Variants in CASZ1 observed in about 807,000 individuals in gnomAD.
CASZ1 encodes the protein castor zinc finger 1.
In CASZ1, 28 loss-of-function variants were observed where a neutral mutation model predicts 135.2. The ratio of observed to expected loss-of-function variants is 0.21; its 90% confidence interval spans 0.15 to 0.28. CASZ1 has a LOEUF of 0.28. Ranked by LOEUF, CASZ1 falls within the 10% of genes least tolerant of loss-of-function variation. The pLI, the probability that CASZ1 is intolerant of heterozygous loss-of-function variation, is 1.00. For missense variants in CASZ1, 2,161 were observed against 2,453.3 expected, an observed-to-expected ratio of 0.88 and a Z score of 2.52; for synonymous variants, 1,068 against 1,073.4, an observed-to-expected ratio of 0.99 and a Z score of 0.10.
At chr1:10,702,593 G>A (rs895358958) in intron 3 of CASZ1, among the ~76,000 whole-genome samples, 2 of 152,100 alleles carry the variant, frequency 1.3e-5, no homozygotes, top group African/African-American at 4.8e-5. Flanking sequence ...CAATGACCCG[G>A]GCCAGGGAGC....
intron 2 of CASZ1, among the ~76,000 whole-genome samples, chr1:10,714,178 C>T (rs1388243053): frequency 6.6e-6 from 1 of 152,074 alleles, no homozygotes; most frequent in Admixed American, 6.5e-5. Context: ...TGGTGGCACG[C>T]ACCTGTAGTA....
intron 4 of CASZ1, among the ~76,000 whole-genome samples, chr1:10,678,388 G>A (rs1638301949): frequency 6.7e-6 from 1 of 148,444 alleles, no homozygotes; most frequent in Admixed American, 6.7e-5. Flanking sequence ...CCTAAAGCTG[G>A]TTACAGTGTG....
intron 2 of CASZ1, among the ~76,000 whole-genome samples, chr1:10,734,994 C>A (rs1639770212): frequency 6.6e-6 from 1 of 152,160 alleles, no homozygotes; most frequent in Non-Finnish European, 1.5e-5. Flanking sequence ...TGAGGGCGGC[C>A]ACATACTCTC....
rs1420914081 is a variant in CASZ1, at chr1:10,701,135, G to C, written c.-24+4357C>G. On this transcript the variant is annotated intron_variant, in intron 3 of 20. Transcript: ENST00000377022. This position sits in a 1 kb window ranked among gnomAD's most constrained non-coding sequence, Gnocchi z 6.3. ...TGGGCCCCTGATGCCAGGGCCAGCA[G>C]GTTGTCAAGGAGCTGAGCTGCCCCA... 6.6e-6 allele frequency among the ~76,000 whole-genome samples: 1 copy of C among 152,168 alleles called. No homozygotes were observed. Among genetic ancestry groups the C allele is most frequent in the Non-Finnish European group, 1.5e-5 (1 of 68,042 alleles).
intron 1 of CASZ1, among the ~76,000 whole-genome samples, chr1:10,787,168 T>C (rs944138483): frequency 3.3e-5 from 5 of 152,342 alleles, no homozygotes; most frequent in African/African-American, 1.2e-4. Context: ...GAGAGGAAAC[T>C]GAGGCCCAGA....
Position 10,724,216 on chromosome 1 carries a change from G to A in CASZ1, c.-76-18672C>T, listed in dbSNP as rs1639555303. Among the ~76,000 whole-genome samples, 1 of 152,194 alleles carries A rather than the reference G, an allele frequency of 6.6e-6. No homozygotes were observed. Among genetic ancestry groups the A allele is most frequent in the Non-Finnish European group, 1.5e-5 (1 of 68,036 alleles). ...GGTGAGAGCAAAGGCCACGTGGTCAGAGCCGGGCTATAAATAGCCAGCAAA... is the reference window on the plus strand; with the variant it reads ...GGTGAGAGCAAAGGCCACGTGGTCAAAGCCGGGCTATAAATAGCCAGCAAA... On this transcript the variant is annotated intron_variant, in intron 2 of 20. Transcript: ENST00000377022. The surrounding 1 kb of genome is among the most constrained non-coding windows in gnomAD (Gnocchi z 4.1).
chr1:10,737,113 G>C (rs1402631437), intron 2 of CASZ1, among the ~76,000 whole-genome samples: 1 of 152,242 alleles, frequency 6.6e-6, no homozygotes, highest in East Asian at 1.9e-4. Flanking sequence ...CCATCCAGCT[G>C]CTGGGGCCAC....
rs994561410 is a variant in CASZ1, at chr1:10,676,446, C to T, written c.17-10875G>A. On this transcript the variant is annotated intron_variant, in intron 4 of 20. Coordinates refer to ENST00000377022, the MANE Select transcript of CASZ1 (RefSeq NM_001079843.3). This position sits in a 1 kb window ranked among gnomAD's most constrained non-coding sequence, Gnocchi z 4.5. ...AGGTGACCTTTCAACAGAACATCCC[C>T]AATGCAGGCTCTTCCCACCAGGACA... is the stretch of plus-strand genomic sequence containing the variant. 1.3e-5 allele frequency among the ~76,000 whole-genome samples: 2 copies of T among 152,178 alleles called. No homozygotes were observed. Among genetic ancestry groups the T allele is most frequent in the African/African-American group, 4.8e-5 (2 of 41,450 alleles).
rs1643205329 is a variant in CASZ1 at position 10,665,498 on chromosome 1, C to T, written c.90G>A (p.Lys30=). 6.2e-7 allele frequency: 1 copy of T among 1,605,204 alleles called. No homozygotes were observed. Among genetic ancestry groups the T allele is most frequent in the Non-Finnish European group, 8.5e-7 (1 of 1,179,302 alleles). The change falls in exon 5 of 21, where the codon AAG becomes AAA. Residue 30 remains lysine (K), a synonymous_variant. Transcript: ENST00000377022. Reference sequence around the variant, plus strand: ...TCAGCTTGGCGCAGATGGCGTTCAGCTTCAGGCCACCCTTGCGTTTGGGCG... The same window carrying T: ...TCAGCTTGGCGCAGATGGCGTTCAGTTTCAGGCCACCCTTGCGTTTGGGCG... ...AMAPKRKGGL[K]LNAICAKLSR... is the part of the protein sequence containing the mutation.
intron 3 of CASZ1, among the ~76,000 whole-genome samples, chr1:10,702,755 C>T (rs934502965): frequency 1.3e-5 from 2 of 152,122 alleles, no homozygotes; most frequent in East Asian, 3.9e-4. Context: ...GTGGCCTGGG[C>T]AAGAGAGATG....
intron 4 of CASZ1, among the ~76,000 whole-genome samples, chr1:10,672,056 C>A (rs981346789): frequency 8.5e-5 from 13 of 152,180 alleles, no homozygotes; most frequent in Non-Finnish European, 1.6e-4. Flanking sequence ...GGCAAGGCAG[C>A]CCGAGGTGGG....
At chr1:10,750,248 G>A (rs898308434) in intron 2 of CASZ1, among the ~76,000 whole-genome samples, 6 of 152,228 alleles carry the variant, frequency 3.9e-5, no homozygotes, top group African/African-American at 4.8e-5. Flanking sequence ...GGCTAGTGAC[G>A]CTGCTTTGCT....
chr1:10,765,303 C>T (rs1050787728), intron 1 of CASZ1, among the ~76,000 whole-genome samples: 1 of 151,334 alleles, frequency 6.6e-6, no homozygotes, highest in East Asian at 1.9e-4. Context: ...GAGGACAGAG[C>T]GCTAATGAGC....
chr1:10,671,541 G>A lies in CASZ1; in HGVS notation c.17-5970C>T, dbSNP rs284318. Among the ~76,000 whole-genome samples the A allele has an allele frequency of 6.0e-3, 916 of 152,276 alleles. 5 individuals are homozygous for A. The highest frequency in any genetic ancestry group is 0.048 in the Middle Eastern group (14 of 294). On this transcript the variant is annotated intron_variant, in intron 4 of 20. Coordinates refer to ENST00000377022, the MANE Select transcript of CASZ1 (RefSeq NM_001079843.3). The stretch of plus-strand genomic sequence containing the variant: ...CTCAGTGCCTGAGCTGCCCTGCTCC[G>A]GGCAAGTGTCTCTGGAGGGCAGTGG...
At chr1:10,793,853 C>T (rs981483609) in intron 1 of CASZ1, among the ~76,000 whole-genome samples, 1 of 152,160 alleles carries the variant, frequency 6.6e-6, no homozygotes, top group Non-Finnish European at 1.5e-5. Flanking sequence ...GGGGCACACC[C>T]TAAAAACCGA....
At chr1:10,668,411 C>A (rs1010578616) in intron 4 of CASZ1, among the ~76,000 whole-genome samples, 1 of 152,268 alleles carries the variant, frequency 6.6e-6, no homozygotes, top group East Asian at 1.9e-4. Context: ...CCAGCCTGCC[C>A]GCTGCTCTAT....
intron 4 of CASZ1, among the ~76,000 whole-genome samples, chr1:10,688,785 G>T (rs983432238): frequency 6.6e-5 from 10 of 152,220 alleles, no homozygotes; most frequent in African/African-American, 2.2e-4. Context: ...AGACCACCAA[G>T]CTGCTGCCCT....
In CASZ1 at chr1:10,719,217, C is replaced by G. The variant is rs1165644952; in HGVS notation, c.-76-13673G>C. On this transcript the variant is annotated intron_variant, in intron 2 of 20. Coordinates refer to ENST00000377022, the MANE Select transcript of CASZ1 (RefSeq NM_001079843.3). This position sits in a 1 kb window ranked among gnomAD's most constrained non-coding sequence, Gnocchi z 4.0. ...ACAGGCGTGAGCCACCGCACCCGGC[C>G]CCGTGCCCCTTTCTTGTAAGGGGAG... 6.6e-6 allele frequency among the ~76,000 whole-genome samples: 1 copy of G among 152,220 alleles called. No homozygotes were observed. Among genetic ancestry groups the G allele is most frequent in the Non-Finnish European group, 1.5e-5 (1 of 68,036 alleles).
chr1:10,662,720 TAC>T (rs1478760343), intron 5 of CASZ1, among the ~76,000 whole-genome samples: 3 of 151,820 alleles, frequency 2.0e-5, no homozygotes, highest in Non-Finnish European at 4.4e-5. Context: ...CACACACTCA[TAC>T]AGACTCACAG....
Sources: gnomAD v4.1 joint callset for allele counts (sites outside exome capture counted in the v4.1 genomes callset) on GRCh38, gnomAD v4.1.1 for gene constraint, Gnocchi (gnomAD v3.1) non-coding constraint, MANE v1.5 for transcripts, NCBI Gene and HGNC (gene_info 2026-07-23, HGNC 2026-07-21) for gene names.